C6orf52: variants seen among roughly 807,000 people sequenced by gnomAD.
The protein encoded by C6orf52 is putative uncharacterized protein C6orf52.
In C6orf52, 16 loss-of-function variants were observed where a neutral mutation model predicts 16.6. The observed-to-expected ratio is 0.96, with a 90% CI of 0.65 to 1.46. The LOEUF (loss-of-function observed/expected upper bound fraction) is 1.46. C6orf52 is among the 40% of genes most tolerant of loss of function. C6orf52 has a pLI of 0.00. For missense variants in C6orf52, 166 were observed against 182.3 expected, an observed-to-expected ratio of 0.91 and a Z score of 0.52; for synonymous variants, 53 against 61.4, an observed-to-expected ratio of 0.86 and a Z score of 0.64.
Position 10,694,610 on chromosome 6 carries a change from G to T in C6orf52, c.-128C>A, listed in dbSNP as rs933694354. The T allele has an allele frequency of 1.0e-5, 2 of 196,814 alleles. No homozygotes were observed. Among genetic ancestry groups the T allele is most frequent in the South Asian group, 7.3e-5 (1 of 13,638 alleles). 12.2% of individuals were successfully genotyped at this position (196,814 alleles called of 1,614,324 possible). ...CGCTACAGCCCCTAAGCAACCGGCCGGAAGTCGGCCCCACCTCCTCCTGAT... is the reference window on the plus strand; with the variant it reads ...CGCTACAGCCCCTAAGCAACCGGCCTGAAGTCGGCCCCACCTCCTCCTGAT... On this transcript the variant is annotated 5_prime_UTR_variant, in exon 1 of 5. Coordinates refer to ENST00000259983, the MANE Select transcript of C6orf52 (RefSeq NM_001145020.3).
chr6:10,682,964 C>T (rs534740441), intron 4 of C6orf52, among the ~76,000 whole-genome samples: 1 of 152,296 alleles, frequency 6.6e-6, no homozygotes, highest in South Asian at 2.1e-4. Context: ...TTGGGAATGT[C>T]CCCCTTTCTC....
chr6:10,680,268 A>G (rs889586332), intron 4 of C6orf52, among the ~76,000 whole-genome samples: 2 of 152,078 alleles, frequency 1.3e-5, no homozygotes, highest in Non-Finnish European at 2.9e-5. Context: ...AAAAAAGAAA[A>G]ATAATGTTTT....
intron 4 of C6orf52, among the ~76,000 whole-genome samples, chr6:10,673,314 TG>T (rs961264690): frequency 6.6e-6 from 1 of 152,226 alleles, no homozygotes; most frequent in Non-Finnish European, 1.5e-5. Context: ...CCAGATTACA[TG>T]ATCTCTGCCC....
At chr6:10,686,874 G>T in intron 3 of C6orf52, 92 bp downstream of exon 3, 1 of 938,878 alleles carries the variant, frequency 1.1e-6, no homozygotes, top group Non-Finnish European at 1.6e-6. Context: ...TGGGAATTTG[G>T]ATGACAGGAC....
chr6:10,677,563 A>C (rs560762139), intron 4 of C6orf52, among the ~76,000 whole-genome samples: 550 of 148,124 alleles, frequency 3.7e-3, no homozygotes, highest in Non-Finnish European at 6.1e-3. Flanking sequence ...ACAGGGTCTC[A>C]CTTTGTCACC....
chr6:10,687,025 C>A lies in C6orf52; in HGVS notation c.211G>T (p.Asp71Tyr). 1 of 1,551,666 alleles carries A rather than the reference C, an allele frequency of 6.4e-7. No individual in the cohort carries two copies. The highest frequency in any genetic ancestry group is 8.7e-7 in the Non-Finnish European group (1 of 1,146,978). The change falls in exon 3 of 5, where the codon GAC becomes TAC. Residue 71 changes from aspartate (D) to tyrosine (Y), a missense_variant. Transcript: ENST00000259983. Reference protein sequence around the residue: ...YGCAVDGNGKDCFSAHETPEH... With the variant: ...YGCAVDGNGKYCFSAHETPEH... ...GGGGTCTCATGCGCAGAAAAACAGT[C>A]CTTTCCATTTCCATCCACTGCACAG...
At chr6:10,679,580 AC>A (rs145756417) in intron 4 of C6orf52, among the ~76,000 whole-genome samples, 24,188 of 144,918 alleles carry the variant, frequency 0.17, 5,938 homozygotes, top group African/African-American at 0.58. Flanking sequence ...AAAAAAAAAA[AC>A]AAAAAACAAA....
intron 1 of C6orf52, among the ~76,000 whole-genome samples, chr6:10,692,794 G>A (rs945262378): frequency 1.3e-5 from 2 of 152,278 alleles, no homozygotes; most frequent in South Asian, 4.1e-4. Flanking sequence ...AAAGTGCTGG[G>A]ATTACAGGAG....
intron 1 of C6orf52, among the ~76,000 whole-genome samples, chr6:10,691,172 G>T (rs1191200871): frequency 1.3e-5 from 2 of 152,158 alleles, no homozygotes; most frequent in Non-Finnish European, 2.9e-5. Context: ...AATGAGGTAC[G>T]CTTACACTAA....
At chr6:10,690,400 A>G (rs1769188104) in intron 1 of C6orf52, among the ~76,000 whole-genome samples, 1 of 152,176 alleles carries the variant, frequency 6.6e-6, no homozygotes, top group Non-Finnish European at 1.5e-5. Context: ...TGCTGGAAAT[A>G]CAAAGGAGAC....
At chr6:10,684,764 T>C (rs1274534888) in intron 3 of C6orf52, 2 of 760,446 alleles carry the variant, frequency 2.6e-6, no homozygotes, top group Non-Finnish European at 3.9e-6. Flanking sequence ...AGGGAATGAC[T>C]AGGACATCTT....
Position 10,671,596 on chromosome 6 carries a change from G to T in C6orf52, c.319C>A (p.Pro107Thr), listed in dbSNP as rs745323628. 6.5e-7 allele frequency: 1 copy of T among 1,536,876 alleles called. No individual in the cohort carries two copies. The highest frequency in any genetic ancestry group is 2.1e-5 in the Admixed American group (1 of 48,550). ...TCCTCAATATTCAAATGAAGATGTG[G>T]ATCTGCAGAAGCCAATAATGGATAT... is the stretch of plus-strand genomic sequence containing the variant. ...ENQDEDPLED[P>T]HLHLNIEESN... Residue 107 changes from proline (P) to threonine (T), a missense_variant and splice_region_variant, in exon 5 of 5, where the codon CCA becomes ACA. Pro to Thr is a conservative substitution (Grantham distance 38). Coordinates refer to ENST00000259983, the MANE Select transcript of C6orf52 (RefSeq NM_001145020.3).
chr6:10,694,223 G>A (rs1332292637), intron 1 of C6orf52, among the ~76,000 whole-genome samples: 4 of 146,940 alleles, frequency 2.7e-5, no homozygotes, highest in African/African-American at 1.1e-4. Flanking sequence ...TCGCGCCACC[G>A]GACTCCAGCC....
chr6:10,672,939 G>C (rs952452701), intron 4 of C6orf52, among the ~76,000 whole-genome samples: 2 of 152,154 alleles, frequency 1.3e-5, no homozygotes, highest in African/African-American at 4.8e-5. Context: ...AACCAAAATG[G>C]TCAAATAGGC....
intron 4 of C6orf52, among the ~76,000 whole-genome samples, chr6:10,682,339 C>T (rs1157529796): frequency 1.3e-5 from 2 of 152,216 alleles, no homozygotes; most frequent in African/African-American, 2.4e-5. Context: ...GCACCCTTTA[C>T]TCATGTTTAA....
At chr6:10,684,889 C>A in intron 3 of C6orf52, 1 of 1,288,694 alleles carries the variant, frequency 7.8e-7, no homozygotes, top group Non-Finnish European at 1.0e-6. Context: ...CAGGGGACAC[C>A]CAGCAGGATG....
chr6:10,676,744 A>G (rs1472385398), intron 4 of C6orf52, among the ~76,000 whole-genome samples: 1 of 152,168 alleles, frequency 6.6e-6, no homozygotes, highest in Non-Finnish European at 1.5e-5. Context: ...GCTGTCTGCT[A>G]CAGGCCTACT....
chr6:10,692,754 C>T (rs1193461489), intron 1 of C6orf52, among the ~76,000 whole-genome samples: 1 of 152,128 alleles, frequency 6.6e-6, no homozygotes, highest in African/African-American at 2.4e-5. Context: ...AGAGTCCTGA[C>T]CTCAAGCAAT....
chr6:10,694,663 G>A (rs980884771), upstream of C6orf52: 2 of 263,692 alleles, frequency 7.6e-6, no homozygotes, highest in Admixed American at 5.0e-5. Context: ...CTTCGCAGAG[G>A]ATGTCCCGCC....
Sources: allele counts gnomAD v4.1 joint callset (sites outside exome capture counted in the v4.1 genomes callset), GRCh38; gene constraint gnomAD v4.1.1; transcripts MANE v1.5; gene names NCBI Gene and HGNC (gene_info 2026-07-23, HGNC 2026-07-21).